The following DISC1 variants were observed in gnomAD, a reference collection of about 807,000 sequenced individuals.
The protein encoded by DISC1 is disrupted in schizophrenia 1 protein.
A neutral mutation model predicts 84.5 loss-of-function variants in DISC1; 57 were observed. The ratio of observed to expected loss-of-function variants is 0.67; its 90% CI spans 0.55 to 0.84. The LOEUF is 0.84. Ranked by LOEUF, DISC1 falls within the 40% of genes least tolerant of loss-of-function variation. The probability of loss-of-function intolerance (pLI) is 0.00; values close to 1 mark genes in which losing one functional copy is unlikely to be tolerated. For synonymous variants in DISC1, 411 were observed against 415.2 expected, an observed-to-expected ratio of 0.99 and a Z score of 0.12; for missense variants, 1,000 against 1,057.8, an observed-to-expected ratio of 0.95 and a Z score of 0.76.
In DISC1 at chr1:231,678,513, C is replaced by T. The variant is rs568922723; in HGVS notation, c.68-15313C>T. Among the ~76,000 whole-genome samples, 3 of 152,316 alleles carry T rather than the reference C, an allele frequency of 2.0e-5. No individual in the cohort carries two copies. In the South Asian group the frequency reaches 6.2e-4, roughly 32 times the overall value. On this transcript the variant is annotated intron_variant, in intron 1 of 12. Coordinates refer to ENST00000439617, the MANE Select transcript of DISC1 (RefSeq NM_018662.3). The stretch of plus-strand genomic sequence containing the variant: ...AGTTCATGTTCTCCAATCTTTCCAA[C>T]TACCATGCATGGAAGATATTAGAAT...
At chr1:231,730,136 T>A (rs2071324883) in intron 3 of DISC1, among the ~76,000 whole-genome samples, 1 of 152,226 alleles carries the variant, frequency 6.6e-6, no homozygotes, top group African/African-American at 2.4e-5. Flanking sequence ...AAATTACTCA[T>A]GAAAAATCTG....
chr1:231,693,795 T>A (rs1353359517), intron 1 of DISC1, 31 bp from the exon 2 acceptor site: 1 of 1,612,020 alleles, frequency 6.2e-7, no homozygotes, highest in Admixed American at 1.7e-5. Flanking sequence ...GATCTGCATG[T>A]TTATGGTGCT....
At chr1:231,970,129 T>G (rs1661742795) in intron 10 of DISC1, among the ~76,000 whole-genome samples, 1 of 152,210 alleles carries the variant, frequency 6.6e-6, no homozygotes. Flanking sequence ...ATGAGATGGC[T>G]GGGTCAAATG....
intron 10 of DISC1, among the ~76,000 whole-genome samples, chr1:231,975,863 C>T (rs1370314758): frequency 2.0e-5 from 3 of 152,300 alleles, no homozygotes; most frequent in East Asian, 1.9e-4. Context: ...TGAAAAATTA[C>T]TTATGGGTAC....
At chr1:231,858,578 TA>T (rs1440413748) in intron 9 of DISC1, among the ~76,000 whole-genome samples, 1 of 152,162 alleles carries the variant, frequency 6.6e-6, no homozygotes, top group African/African-American at 2.4e-5. Flanking sequence ...TCAACCTTCT[TA>T]TTTACTATTC....
At chr1:231,937,283 G>A (rs2091038357) in intron 9 of DISC1, among the ~76,000 whole-genome samples, 1 of 152,268 alleles carries the variant, frequency 6.6e-6, no homozygotes, top group East Asian at 1.9e-4. Context: ...TAAATATCTA[G>A]GACATTAACT....
chr1:231,909,607 A>C (rs1471173499), intron 9 of DISC1, among the ~76,000 whole-genome samples: 3 of 152,196 alleles, frequency 2.0e-5, no homozygotes, highest in African/African-American at 7.2e-5. Flanking sequence ...GTCGATGTTC[A>C]TCAGGGATAT....
At chr1:231,721,586 A>G (rs952290681) in intron 3 of DISC1, among the ~76,000 whole-genome samples, 2 of 151,912 alleles carry the variant, frequency 1.3e-5, no homozygotes, top group Admixed American at 1.3e-4. Flanking sequence ...AAACTTGGCA[A>G]CCTGGGGTTG....
intron 9 of DISC1, among the ~76,000 whole-genome samples, chr1:231,916,530 C>A (rs2089639005): frequency 6.7e-6 from 1 of 150,280 alleles, no homozygotes; most frequent in South Asian, 2.1e-4. Flanking sequence ...TGGCGGGCGC[C>A]TGTAGTCCCA....
At chr1:231,723,821 T>A (rs2070227023) in intron 3 of DISC1, 1 of 985,410 alleles carries the variant, frequency 1.0e-6, no homozygotes, top group Admixed American at 6.1e-5. Context: ...CTCCCTCTTT[T>A]TTGTTGGTTG....
intron 1 of DISC1, among the ~76,000 whole-genome samples, chr1:231,691,973 G>GA (rs1476921282): frequency 1.3e-5 from 2 of 152,014 alleles, no homozygotes; most frequent in Non-Finnish European, 2.9e-5. Context: ...AAGAAAGAAA[G>GA]AAAAAAATGA....
intron 1 of DISC1, among the ~76,000 whole-genome samples, chr1:231,648,635 C>G (rs2060346144): frequency 6.6e-6 from 1 of 152,194 alleles, no homozygotes; most frequent in Non-Finnish European, 1.5e-5. Flanking sequence ...AGGAATGGTA[C>G]CAGCTCCTCT....
chr1:231,817,028 C>T (rs1185900212), intron 8 of DISC1, among the ~76,000 whole-genome samples: 1 of 151,904 alleles, frequency 6.6e-6, no homozygotes, highest in African/African-American at 2.4e-5. Flanking sequence ...GAGTGTAGTG[C>T]CTGTTCAAAA....
chr1:231,795,128 C>T, intron 6 of DISC1, 114 bp from the exon 7 acceptor site: 2 of 984,556 alleles, frequency 2.0e-6, no homozygotes, highest in Non-Finnish European at 3.2e-6. Context: ...TTTCCTCCTG[C>T]ACTTCTTCGT....
chr1:231,702,432 C>T (rs2066538111), intron 3 of DISC1: 1 of 989,908 alleles, frequency 1.0e-6, no homozygotes, highest in South Asian at 4.6e-5. Flanking sequence ...CTTGTGATGC[C>T]AGTAAACTTA....
At chr1:231,722,872 A>G in intron 3 of DISC1, 1 of 1,388,740 alleles carries the variant, frequency 7.2e-7, no homozygotes, top group Non-Finnish European at 9.3e-7. Flanking sequence ...CTGTCATGGC[A>G]TGAAAAAACC....
intron 9 of DISC1, among the ~76,000 whole-genome samples, chr1:231,894,754 T>C (rs1235732354): frequency 6.7e-6 from 1 of 150,008 alleles, no homozygotes; most frequent in East Asian, 2.0e-4. Context: ...GTTGTGTGTG[T>C]GTGTGTGTGT....
At chr1:231,686,649 T>A (rs567937799) in intron 1 of DISC1, among the ~76,000 whole-genome samples, 52 of 152,346 alleles carry the variant, frequency 3.4e-4, no homozygotes, top group Non-Finnish European at 5.9e-4. Context: ...GCCGAGGAGA[T>A]GTCTTCCCCA....
intron 7 of DISC1, among the ~76,000 whole-genome samples, chr1:231,796,433 T>C (rs1445853981): frequency 6.6e-6 from 1 of 151,900 alleles, no homozygotes; most frequent in Admixed American, 6.6e-5. Flanking sequence ...CCGGTCTCTG[T>C]GCCCAGAGAA....
Sources: gnomAD v4.1 joint callset for allele counts (sites outside exome capture counted in the v4.1 genomes callset) on GRCh38, gnomAD v4.1.1 for gene constraint, MANE v1.5 for transcripts, NCBI Gene and HGNC (gene_info 2026-07-23, HGNC 2026-07-21) for gene names.